The following ATXN2 variants were observed in gnomAD, a reference collection of about 807,000 sequenced individuals.
ATXN2 encodes ataxin 2.
ATXN2 carries 37 observed loss-of-function variants against 138.6 expected under a neutral mutation model. The ratio of observed to expected loss-of-function variants is 0.27; its 90% CI spans 0.21 to 0.35. The LOEUF (loss-of-function observed/expected upper bound fraction) is 0.35. Among genes scored for constraint, ATXN2 ranks in the 10% least tolerant of loss-of-function variants. The probability of loss-of-function intolerance (pLI) is 1.00; values close to 1 mark genes in which losing one functional copy is unlikely to be tolerated. For synonymous variants in ATXN2, 549 were observed against 543.7 expected (o/e 1.01, Z -0.13); for missense variants, 1,216 against 1,480.3 (o/e 0.82, Z 2.93).
At chr12:111,564,903 TG>T (rs1257049654) in intron 1 of ATXN2, 4 of 152,202 alleles carry the variant, frequency 2.6e-5, no homozygotes, top group Non-Finnish European at 5.9e-5. Flanking sequence ...TTTTCTCTTT[TG>T]TAGAGATGGG....
chr12:111,516,529 A>T lies in ATXN2; in HGVS notation c.1166-166T>A, dbSNP rs1246069428. Reference sequence around the variant, plus strand: ...TAAGTTTTAGCATAACTTAACTGACATAAATTCACATTTTACTTTAACCTC... The same window carrying T: ...TAAGTTTTAGCATAACTTAACTGACTTAAATTCACATTTTACTTTAACCTC... On this transcript the variant is annotated intron_variant, in intron 9 of 24. Coordinates refer to ENST00000673436, the MANE Select transcript of ATXN2 (RefSeq NM_001372574.1). The surrounding 1 kb of genome is among the most constrained non-coding windows in gnomAD (Gnocchi z 5.0). 6.6e-6 allele frequency among the ~76,000 whole-genome samples: 1 copy of T among 152,238 alleles called. No homozygotes were observed. The highest frequency in any genetic ancestry group is 1.5e-5 in the Non-Finnish European group (1 of 68,036).
chr12:111,592,782 C>CAAAAAAAAAAAA (rs71083183), intron 1 of ATXN2, among the ~76,000 whole-genome samples: 317 of 25,952 alleles, frequency 0.012, 38 homozygotes, highest in African/African-American at 0.022. Context: ...GACTCCGTCT[C>CAAAAAAAAAAAA]AAAAAAAAAA....
intron 5 of ATXN2, among the ~76,000 whole-genome samples, chr12:111,532,868 A>G (rs1228647178): frequency 2.0e-5 from 3 of 151,870 alleles, no homozygotes; most frequent in Admixed American, 6.6e-5. Context: ...AAAAAAAAAA[A>G]AAAGTCTGCT....
intron 1 of ATXN2, among the ~76,000 whole-genome samples, chr12:111,589,008 A>AC (rs1884496763): frequency 1.4e-5 from 2 of 146,744 alleles, no homozygotes; most frequent in Non-Finnish European, 3.0e-5. Context: ...AAAAAAAAAA[A>AC]AAAAAAAAAA....
chr12:111,590,397 C>T (rs1416056937), intron 1 of ATXN2, among the ~76,000 whole-genome samples: 2 of 151,926 alleles, frequency 1.3e-5, no homozygotes, highest in Admixed American at 6.6e-5. Flanking sequence ...ATAAAACAAG[C>T]CTGTTAGGGG....
Position 111,598,530 on chromosome 12 carries a change from T to G in ATXN2, c.251+254A>C, listed in dbSNP as rs1438960043. ...CGCGTGGGGAGGGGAGGCCGCCCGC[T>G]CCCTCCATCTTGACCGCCGGGGGAG... On this transcript the variant is annotated intron_variant, in intron 1 of 24. Transcript: ENST00000673436. This position sits in a 1 kb window ranked among gnomAD's most constrained non-coding sequence, Gnocchi z 4.5. The G allele has an allele frequency of 1.0e-6, 1 of 981,350 alleles. No individual in the cohort carries two copies. The highest frequency in any genetic ancestry group is 1.8e-5 in the African/African-American group (1 of 55,650). The allele number at this position is 981,350 out of a possible 1,614,324, so 60.8% of individuals were successfully genotyped here. A position where few individuals can be genotyped will look rare whatever the true frequency, so the allele number is the denominator to read the frequency against.
intron 1 of ATXN2, among the ~76,000 whole-genome samples, chr12:111,570,245 T>C (rs990290287): frequency 6.6e-6 from 1 of 152,072 alleles, no homozygotes; most frequent in Admixed American, 6.6e-5. Context: ...CTCATAAACT[T>C]ATCCCTTTCT....
rs1877600387 is a variant in ATXN2 at position 111,485,842 on chromosome 12, A to C, written c.2328T>G (p.Thr776=). ...TAGGTTGTGCTTGAGGCCGAGGTGA[A>C]GTTGGGGTAGTAGAAGGCTTTGGCT... ...FSQPKPSTTP[T]SPRPQAQPSP... is the part of the protein sequence containing the mutation. The change falls in exon 17 of 25, where the codon ACT becomes ACG. Residue 776 remains threonine, a synonymous_variant. Transcript: ENST00000673436. The C allele has an allele frequency of 6.2e-7, 1 of 1,613,996 alleles. No homozygotes were observed. The highest frequency in any genetic ancestry group is 8.5e-7 in the Non-Finnish European group (1 of 1,180,000).
rs571373536 is a variant in ATXN2, at chr12:111,539,730, C to A, written c.571+12550G>T. Among the ~76,000 whole-genome samples the A allele has an allele frequency of 3.8e-4, 56 of 149,290 alleles. 2 individuals are homozygous for A. Among genetic ancestry groups the A allele is most frequent in the Non-Finnish European group, 6.0e-4 (40 of 66,760 alleles). On this transcript the variant is annotated intron_variant, in intron 5 of 24. Coordinates refer to ENST00000673436, the MANE Select transcript of ATXN2 (RefSeq NM_001372574.1). ...CGCTACTGCACTCCAGCCTGGGCAACAGAGCAAGACTCTGTCTCAAAAATA... is the reference window on the plus strand; with the variant it reads ...CGCTACTGCACTCCAGCCTGGGCAAAAGAGCAAGACTCTGTCTCAAAAATA...
intron 5 of ATXN2, among the ~76,000 whole-genome samples, chr12:111,551,192 G>T (rs945465270): frequency 6.6e-6 from 1 of 151,900 alleles, no homozygotes; most frequent in Non-Finnish European, 1.5e-5. Context: ...AGCTACTCAG[G>T]AGGCTGAGGC....
At chr12:111,497,426 A>G (rs1878491092) in intron 14 of ATXN2, among the ~76,000 whole-genome samples, 1 of 152,198 alleles carries the variant, frequency 6.6e-6, no homozygotes, top group African/African-American at 2.4e-5. Flanking sequence ...TCAAAAAGGG[A>G]AAACTAGAAG....
chr12:111,555,538 T>C (rs1181091022), intron 2 of ATXN2, among the ~76,000 whole-genome samples: 1 of 152,152 alleles, frequency 6.6e-6, no homozygotes, highest in Non-Finnish European at 1.5e-5. Flanking sequence ...TGTCGCTATG[T>C]GAAGAAGGAT....
intron 1 of ATXN2, among the ~76,000 whole-genome samples, chr12:111,568,347 G>C (rs1883131451): frequency 1.3e-5 from 2 of 151,280 alleles, no homozygotes; most frequent in South Asian, 4.2e-4. Flanking sequence ...TATAATTATA[G>C]AGCTTCATGT....
chr12:111,508,528 C>T (rs1879317117), intron 14 of ATXN2, among the ~76,000 whole-genome samples: 1 of 136,602 alleles, frequency 7.3e-6, no homozygotes, highest in Non-Finnish European at 1.5e-5. Context: ...CTCACTGCAA[C>T]CTCTGTCTCC....
rs541696191 is a variant in ATXN2 at position 111,598,481 on chromosome 12, G to A, written c.251+303C>T. 19 of 984,782 alleles carry A rather than the reference G, an allele frequency of 1.9e-5. No homozygotes were observed. Among genetic ancestry groups the A allele is most frequent in the Non-Finnish European group, 2.0e-5 (17 of 829,840 alleles). 61.0% of individuals were successfully genotyped at this position (984,782 alleles called of 1,614,324 possible). A position where few individuals can be genotyped will look rare whatever the true frequency, so the allele number is the denominator to read the frequency against. The stretch of plus-strand genomic sequence containing the variant: ...GGGGGAGCCGGGGCTGACCATCGCC[G>A]CTACCCGAGAACCCCTCCCAACACG... On this transcript the variant is annotated intron_variant, in intron 1 of 24. Transcript: ENST00000673436. This position sits in a 1 kb window ranked among gnomAD's most constrained non-coding sequence, Gnocchi z 4.5.
In ATXN2 at chr12:111,452,834, G is replaced by C. The variant is rs774538361; in HGVS notation, c.3446C>G (p.Ala1149Gly). ...FPYMTHPSVQ[A>G]HHQQQL The stretch of plus-strand genomic sequence containing the variant: ...GCCTTACAACTGCTGTTGGTGGTGG[G>C]CTTGTACTGTAAAAAGAAAAGCGAA... The change falls in exon 25 of 25, where the codon GCC becomes GGC. Residue 1149 changes from alanine (A) to glycine (G), a missense_variant. Physicochemically the swap from Ala to Gly is moderately conservative, Grantham distance 60. Coordinates refer to ENST00000673436, the MANE Select transcript of ATXN2 (RefSeq NM_001372574.1). The C allele has an allele frequency of 1.4e-5, 23 of 1,611,174 alleles. No individual in the cohort carries two copies. The Admixed American group carries it at 2.9e-4, about 20-fold the overall frequency.
At chr12:111,460,858 C>T (rs997550599) in intron 21 of ATXN2, among the ~76,000 whole-genome samples, 4 of 152,122 alleles carry the variant, frequency 2.6e-5, no homozygotes, top group African/African-American at 9.7e-5. Flanking sequence ...TATTTAAAGA[C>T]TATAATACGG....
intron 1 of ATXN2, among the ~76,000 whole-genome samples, chr12:111,578,260 C>T (rs1291573046): frequency 6.6e-6 from 1 of 152,122 alleles, no homozygotes; most frequent in African/African-American, 2.4e-5. Flanking sequence ...TGTTTGTCTA[C>T]AGTAGCATAC....
At chr12:111,511,580 C>T (rs1879521762) in intron 11 of ATXN2, 1 of 152,118 alleles carries the variant, frequency 6.6e-6, no homozygotes, top group South Asian at 2.1e-4. Flanking sequence ...ATTCTCCTGC[C>T]TCAGCCTCCT....
Sources: allele counts gnomAD v4.1 joint callset (sites outside exome capture counted in the v4.1 genomes callset), GRCh38; gene constraint gnomAD v4.1.1; non-coding constraint Gnocchi (gnomAD v3.1); transcripts MANE v1.5; gene names NCBI Gene and HGNC (gene_info 2026-07-23, HGNC 2026-07-21).